Variants in ZNF267 observed in about 807,000 individuals in gnomAD.
The protein encoded by ZNF267 is zinc finger protein 267.
Under a neutral mutation model 71.6 loss-of-function variants are expected in ZNF267, and 61 were observed. The ratio of observed to expected loss-of-function variants is 0.85; its 90% CI spans 0.69 to 1.05. The LOEUF (loss-of-function observed/expected upper bound fraction) is 1.05. ZNF267 is among the 50% of genes least tolerant of loss of function. ZNF267 has a pLI of 0.00. For missense variants in ZNF267, 852 were observed against 870.0 expected (o/e 0.98, Z 0.26); for synonymous variants, 288 against 293.2 (o/e 0.98, Z 0.18).
chr16:31,914,371 A>G (rs2084156377), intron 3 of ZNF267, 105 bp from the exon 4 acceptor site: 2 of 1,056,768 alleles, frequency 1.9e-6, no homozygotes, highest in Non-Finnish European at 2.6e-6. Context: ...TTTTCACTCA[A>G]CTGTTGTTGT....
At chr16:31,879,814 A>T (rs376659133) in intron 1 of ZNF267, among the ~76,000 whole-genome samples, 3 of 152,160 alleles carry the variant, frequency 2.0e-5, no homozygotes, top group East Asian at 1.9e-4. Flanking sequence ...GGGGCTGGAA[A>T]CCAACCAGGC....
At chr16:31,895,598 A>G (rs2083992636) in intron 3 of ZNF267, among the ~76,000 whole-genome samples, 1 of 152,202 alleles carries the variant, frequency 6.6e-6, no homozygotes, top group South Asian at 2.1e-4. Flanking sequence ...CAGTGTTTAT[A>G]CATTCCTATT....
intron 3 of ZNF267, among the ~76,000 whole-genome samples, chr16:31,909,229 T>G (rs1220149156): frequency 6.8e-6 from 1 of 147,752 alleles, no homozygotes; most frequent in Non-Finnish European, 1.5e-5. Flanking sequence ...CCTCCCGGGT[T>G]CAAGTGATTC....
Position 31,916,045 on chromosome 16 carries a change from C to T in ZNF267, c.1796C>T (p.Thr599Ile), listed in dbSNP as rs2084173799. 6.2e-7 allele frequency: 1 copy of T among 1,614,060 alleles called. No homozygotes were observed. Among genetic ancestry groups the T allele is most frequent in the South Asian group, 1.1e-5 (1 of 91,088 alleles). ...CTTACTGTGCATCGGCGAACTCATA[C>T]TGGAGAGAAACCCTATACATGTAAA... ...SGLTVHRRTHTGEKPYTCKEC... is the reference protein window; with the variant it reads ...SGLTVHRRTHIGEKPYTCKEC... Residue 599 changes from threonine to isoleucine, a missense_variant, in exon 4 of 4, where the codon ACT (threonine) becomes ATT (isoleucine). Thr to Ile is a moderately conservative substitution (Grantham distance 89). Coordinates refer to ENST00000300870, the MANE Select transcript of ZNF267 (RefSeq NM_003414.6).
intron 3 of ZNF267, among the ~76,000 whole-genome samples, chr16:31,901,659 A>T (rs1227890482): frequency 1.3e-5 from 2 of 151,788 alleles, no homozygotes; most frequent in African/African-American, 4.8e-5. Context: ...TTTTCTTGTA[A>T]ATTTGTTTGA....
chr16:31,909,120 C>CTTTTTTTTTTTTTTTTTTTTTTTTT (rs34409182), intron 3 of ZNF267, among the ~76,000 whole-genome samples: 10 of 45,330 alleles, frequency 2.2e-4, no homozygotes, highest in African/African-American at 2.6e-4. Flanking sequence ...CTTTTCTTTT[C>CTTTTTTTTTTTTTTTTTTTTTTTTT]TTTTTTTTTT....
At chr16:31,894,538 C>T in intron 3 of ZNF267, 1 of 511,082 alleles carries the variant, frequency 2.0e-6, no homozygotes, top group Non-Finnish European at 3.9e-6. Context: ...CAAACTACAT[C>T]TTTCAAGTGC....
At chr16:31,892,996 G>C (rs1469516491) in intron 3 of ZNF267, among the ~76,000 whole-genome samples, 2 of 152,224 alleles carry the variant, frequency 1.3e-5, no homozygotes, top group African/African-American at 4.8e-5. Flanking sequence ...ACTCTGTGTG[G>C]GGGCTCCAAT....
At chr16:31,900,588 G>T (rs768864147) in intron 3 of ZNF267, among the ~76,000 whole-genome samples, 2 of 151,954 alleles carry the variant, frequency 1.3e-5, no homozygotes, top group Non-Finnish European at 2.9e-5. Context: ...GGGACTACAG[G>T]TGCCTGCCAC....
At chr16:31,896,483 T>G (rs777551219) in intron 3 of ZNF267, among the ~76,000 whole-genome samples, 6 of 152,052 alleles carry the variant, frequency 3.9e-5, no homozygotes, top group Non-Finnish European at 7.4e-5. Flanking sequence ...AGCAGTGTAG[T>G]CTCATTCTTC....
chr16:31,885,997 C>T (rs1309516604), intron 3 of ZNF267, among the ~76,000 whole-genome samples: 1 of 152,160 alleles, frequency 6.6e-6, no homozygotes, highest in Non-Finnish European at 1.5e-5. Context: ...ATATAATAAA[C>T]TCTAAACTGT....
Position 31,879,229 on chromosome 16 carries a change from C to T in ZNF267, c.3+5260C>T, listed in dbSNP as rs1241219296. 2.6e-5 allele frequency among the ~76,000 whole-genome samples: 4 copies of T among 152,282 alleles called. No individual in the cohort carries two copies. The East Asian group carries it at 7.7e-4, about 29-fold the overall frequency. Reference sequence around the variant, plus strand: ...AAGTTTATTTTTCCTTTGACTATAGCCAATTAAAAAACACAGATGGCCTCC... The same window carrying T: ...AAGTTTATTTTTCCTTTGACTATAGTCAATTAAAAAACACAGATGGCCTCC... On this transcript the variant is annotated intron_variant, in intron 1 of 3. Transcript: ENST00000300870.
chr16:31,900,625 T>C (rs1346130189), intron 3 of ZNF267, among the ~76,000 whole-genome samples: 2 of 151,952 alleles, frequency 1.3e-5, no homozygotes, highest in African/African-American at 4.8e-5. Context: ...TTTGTATTTT[T>C]AGTAGAGATG....
chr16:31,903,859 G>C (rs1306868353), intron 3 of ZNF267, among the ~76,000 whole-genome samples: 1 of 152,182 alleles, frequency 6.6e-6, no homozygotes, highest in East Asian at 1.9e-4. Flanking sequence ...TGCTTCTCTA[G>C]TTCTTTTAAT....
At chr16:31,901,576 T>G (rs2084041677) in intron 3 of ZNF267, among the ~76,000 whole-genome samples, 1 of 152,092 alleles carries the variant, frequency 6.6e-6, no homozygotes, top group Non-Finnish European at 1.5e-5. Flanking sequence ...TCATGTGTCT[T>G]TTGGCTGCAT....
At chr16:31,882,269 C>T (rs1319171125) in intron 1 of ZNF267, among the ~76,000 whole-genome samples, 1 of 152,238 alleles carries the variant, frequency 6.6e-6, no homozygotes, top group Non-Finnish European at 1.5e-5. Context: ...TAACTGTCTT[C>T]TCCAGTCTCT....
At position 31,915,246 on chromosome 16, in the gene ZNF267, C is replaced by T; in HGVS notation, c.997C>T (p.His333Tyr). The T allele has an allele frequency of 6.2e-7, 1 of 1,613,892 alleles. No individual in the cohort carries two copies. Among genetic ancestry groups the T allele is most frequent in the Non-Finnish European group, 8.5e-7 (1 of 1,179,928 alleles). The part of the protein sequence containing the change: ...KCEKCGDSLN[H>Y]SLHLTQHQII... ...TGAAAAATGTGGGGATAGCTTAAACCATAGTTTGCACCTTACTCAACATCA... is the reference window on the plus strand; with the variant it reads ...TGAAAAATGTGGGGATAGCTTAAACTATAGTTTGCACCTTACTCAACATCA... The change falls in exon 4 of 4, where the codon CAT (histidine) becomes TAT (tyrosine). Residue 333 changes from histidine to tyrosine, a missense_variant. His to Tyr is a moderately conservative substitution (Grantham distance 83). Coordinates refer to ENST00000300870, the MANE Select transcript of ZNF267 (RefSeq NM_003414.6).
intron 3 of ZNF267, among the ~76,000 whole-genome samples, chr16:31,909,563 C>CT (rs766840747): frequency 6.6e-6 from 1 of 152,124 alleles, no homozygotes; most frequent in African/African-American, 2.4e-5. Context: ...TTTCTAATCT[C>CT]TTTTTTCAGA....
intron 3 of ZNF267, among the ~76,000 whole-genome samples, chr16:31,909,120 C>CTTTTTTTTTTTTTTTTTTTTTTTTTT (rs34409182): frequency 8.8e-5 from 4 of 45,324 alleles, no homozygotes; most frequent in Non-Finnish European, 1.5e-4. Context: ...CTTTTCTTTT[C>CTTTTTTTTTTTTTTTTTTTTTTTTTT]TTTTTTTTTT....
Sources: allele counts gnomAD v4.1 joint callset (sites outside exome capture counted in the v4.1 genomes callset), GRCh38; gene constraint gnomAD v4.1.1; transcripts MANE v1.5; gene names NCBI Gene and HGNC (gene_info 2026-07-23, HGNC 2026-07-21).